Variants in GALNT17 observed in about 807,000 individuals in gnomAD.
GALNT17 encodes polypeptide N-acetylgalactosaminyltransferase 17, also known as UDP-GalNAc:polypeptide N-acetylgalactosaminyltransferase-like 3.
Under a neutral mutation model 63.7 loss-of-function variants are expected in GALNT17, and 29 were observed. The ratio of observed to expected loss-of-function variants is 0.46; its 90% confidence interval spans 0.34 to 0.62. GALNT17 has a LOEUF of 0.62. Among genes scored for constraint, GALNT17 ranks in the 20% least tolerant of loss-of-function variants. The pLI is 0.01. For synonymous variants in GALNT17, 305 were observed against 318.3 expected, an observed-to-expected ratio of 0.96 and a Z score of 0.45; for missense variants, 603 against 799.6, an observed-to-expected ratio of 0.75 and a Z score of 2.97.
intron 1 of GALNT17, among the ~76,000 whole-genome samples, chr7:71,324,545 C>G (rs917622073): frequency 6.6e-6 from 1 of 152,080 alleles, no homozygotes; most frequent in African/African-American, 2.4e-5. Context: ...GTAATCCCAG[C>G]TACTTGGGAG....
intron 2 of GALNT17, among the ~76,000 whole-genome samples, chr7:71,380,611 G>A (rs924229149): frequency 1.3e-5 from 2 of 152,078 alleles, no homozygotes; most frequent in African/African-American, 2.4e-5. Flanking sequence ...ATGAGCCACC[G>A]CACCAACCCA....
chr7:71,364,391 A>G (rs1434255615), intron 2 of GALNT17, among the ~76,000 whole-genome samples: 1 of 152,128 alleles, frequency 6.6e-6, no homozygotes, highest in East Asian at 1.9e-4. Context: ...TGGTTTTCAC[A>G]GGACTCAGTG....
intron 1 of GALNT17, among the ~76,000 whole-genome samples, chr7:71,243,038 C>T (rs936793131): frequency 1.1e-4 from 17 of 152,206 alleles, no homozygotes; most frequent in African/African-American, 3.4e-4. Flanking sequence ...GAATTGTAAT[C>T]TCCCTAATCC....
intron 6 of GALNT17, among the ~76,000 whole-genome samples, chr7:71,618,363 G>C (rs1201565617): frequency 6.6e-6 from 1 of 152,266 alleles, no homozygotes; most frequent in East Asian, 1.9e-4. Context: ...TGGCAGCTCT[G>C]TTTTAAGTTC....
chr7:71,657,577 G>A (rs1042570150), intron 6 of GALNT17, among the ~76,000 whole-genome samples: 21 of 152,136 alleles, frequency 1.4e-4, no homozygotes, highest in African/African-American at 4.8e-4. Context: ...TGGCTCTTCC[G>A]GGGTCCCTGA....
intron 9 of GALNT17, among the ~76,000 whole-genome samples, chr7:71,687,138 T>C (rs190716755): frequency 6.6e-6 from 1 of 152,338 alleles, no homozygotes; most frequent in African/African-American, 2.4e-5. Context: ...GTGTCCTCCC[T>C]GTTAATACAT....
chr7:71,137,523 T>G (rs1425431314), intron 1 of GALNT17, among the ~76,000 whole-genome samples: 1 of 152,148 alleles, frequency 6.6e-6, no homozygotes, highest in Non-Finnish European at 1.5e-5. Context: ...TATTGGTTGA[T>G]CAAGTTGTTG....
At chr7:71,658,930 G>T (rs908850577) in intron 6 of GALNT17, among the ~76,000 whole-genome samples, 6 of 151,072 alleles carry the variant, frequency 4.0e-5, no homozygotes, top group Non-Finnish European at 7.4e-5. Flanking sequence ...TCTCTATTTT[G>T]TTGCTGTCAC....
intron 1 of GALNT17, among the ~76,000 whole-genome samples, chr7:71,199,411 G>C (rs761485084): frequency 1.3e-5 from 2 of 152,080 alleles, no homozygotes; most frequent in Non-Finnish European, 2.9e-5. Context: ...TCCATCATCT[G>C]TCTGTCCACT....
chr7:71,406,587 G>A (rs886230812), intron 3 of GALNT17, among the ~76,000 whole-genome samples: 6 of 151,860 alleles, frequency 4.0e-5, no homozygotes, highest in Non-Finnish European at 8.8e-5. Flanking sequence ...CCATCTTTTC[G>A]TTCATTTTTA....
chr7:71,350,888 C>G (rs926910572), intron 2 of GALNT17, among the ~76,000 whole-genome samples: 4 of 152,190 alleles, frequency 2.6e-5, no homozygotes, highest in Admixed American at 2.6e-4. Flanking sequence ...TGCCTGTAAT[C>G]CCAGCACTTT....
At chr7:71,601,474 A>T (rs867650319) in intron 6 of GALNT17, among the ~76,000 whole-genome samples, 14 of 152,190 alleles carry the variant, frequency 9.2e-5, no homozygotes, top group Middle Eastern at 6.8e-3. Context: ...GAGCAAAGGG[A>T]ACACAGGAAA....
At chr7:71,182,256 G>A (rs1168588248) in intron 1 of GALNT17, among the ~76,000 whole-genome samples, 1 of 152,194 alleles carries the variant, frequency 6.6e-6, no homozygotes, top group Non-Finnish European at 1.5e-5. Context: ...AGTAAGAGGT[G>A]GAGACGTGAG....
chr7:71,623,683 G>A (rs772742757), intron 6 of GALNT17, among the ~76,000 whole-genome samples: 1 of 152,164 alleles, frequency 6.6e-6, no homozygotes, highest in Non-Finnish European at 1.5e-5. Flanking sequence ...TGATCCACCT[G>A]CCTCAGCCTC....
At chr7:71,557,181 C>T (rs546032004) in intron 5 of GALNT17, among the ~76,000 whole-genome samples, 68 of 152,090 alleles carry the variant, frequency 4.5e-4, no homozygotes, top group Middle Eastern at 6.8e-3. Context: ...CGTGAACCAC[C>T]ACATCTGGTA....
intron 2 of GALNT17, among the ~76,000 whole-genome samples, chr7:71,385,716 T>C (rs115173993): frequency 0.03 from 4,571 of 152,234 alleles, 110 homozygotes; most frequent in East Asian, 0.11. Context: ...ATGGGCACGG[T>C]GCACCTGGCT....
intron 1 of GALNT17, among the ~76,000 whole-genome samples, chr7:71,225,094 G>A (rs147923075): frequency 0.017 from 2,649 of 151,938 alleles, 30 homozygotes; most frequent in Middle Eastern, 0.034. Flanking sequence ...TCAGCCTCCC[G>A]CGTAGCTGTG....
intron 1 of GALNT17, among the ~76,000 whole-genome samples, chr7:71,322,992 T>A (rs915049916): frequency 6.6e-6 from 1 of 152,100 alleles, no homozygotes; most frequent in African/African-American, 2.4e-5. Context: ...GAAAACATGG[T>A]CATATTAAGA....
intron 6 of GALNT17, among the ~76,000 whole-genome samples, chr7:71,595,911 C>T (rs1381466226): frequency 6.6e-6 from 1 of 152,090 alleles, no homozygotes; most frequent in Non-Finnish European, 1.5e-5. Flanking sequence ...TTGCAGGAAT[C>T]AATGGGAGAT....
Sources: allele counts gnomAD v4.1 joint callset (sites outside exome capture counted in the v4.1 genomes callset), GRCh38; gene constraint gnomAD v4.1.1; transcripts MANE v1.5; gene names NCBI Gene and HGNC (gene_info 2026-07-23, HGNC 2026-07-21).